Variants in CRB1 observed in about 807,000 individuals in gnomAD.
The protein encoded by CRB1 is crumbs cell polarity complex component 1, also known as protein crumbs homolog 1.
In CRB1, 83 loss-of-function variants were observed where a neutral mutation model predicts 120.0. That is an observed-to-expected ratio of 0.69 (90% CI 0.58 to 0.83). CRB1 has a LOEUF of 0.83. Among genes scored for constraint, CRB1 ranks in the 40% least tolerant of loss-of-function variants. The pLI is 0.00. For synonymous variants in CRB1, 625 were observed against 612.5 expected (o/e 1.02, Z -0.30); for missense variants, 1,699 against 1,687.6 (o/e 1.01, Z -0.12).
intron 5 of CRB1, among the ~76,000 whole-genome samples, chr1:197,402,875 G>C (rs1477155696): frequency 1.3e-5 from 2 of 152,078 alleles, no homozygotes; most frequent in Admixed American, 6.5e-5. Context: ...CCCCAATGTA[G>C]ATTTTAATAG....
chr1:197,322,215 T>C (rs1186347262), intron 1 of CRB1, among the ~76,000 whole-genome samples: 2 of 152,102 alleles, frequency 1.3e-5, no homozygotes, highest in Non-Finnish European at 2.9e-5. Flanking sequence ...GTACGGTGGC[T>C]CATGCCTGTA....
rs551007025 is a variant in CRB1 at position 197,414,882 on chromosome 1, G to A, written c.1172-6118G>A. On this transcript the variant is annotated intron_variant, in intron 5 of 11. Transcript: ENST00000367400. ...TTATTTTACATTGGACATGTCAATA[G>A]AATTGATTTTAAGTGAAGTAAAAGC... 3.2e-4 allele frequency among the ~76,000 whole-genome samples: 48 copies of A among 152,224 alleles called. No homozygotes were observed. The South Asian group carries it at 1.0e-2, about 32-fold the overall frequency.
chr1:197,342,879 T>C (rs574502230), intron 2 of CRB1, among the ~76,000 whole-genome samples: 1 of 152,172 alleles, frequency 6.6e-6, no homozygotes, highest in African/African-American at 2.4e-5. Flanking sequence ...GTCAAAAAAA[T>C]TTATGTTCTT....
At chr1:197,379,378 C>A (rs556739952) in intron 5 of CRB1, among the ~76,000 whole-genome samples, 6 of 151,972 alleles carry the variant, frequency 3.9e-5, no homozygotes, top group African/African-American at 1.2e-4. Context: ...CAGCTCACTG[C>A]AAGCTTTGCC....
intron 1 of CRB1, among the ~76,000 whole-genome samples, chr1:197,322,237 T>C (rs958045323): frequency 3.2e-4 from 48 of 152,014 alleles, no homozygotes; most frequent in South Asian, 4.1e-4. Flanking sequence ...TCCCAGCACA[T>C]TGGGGGGCCG....
intron 5 of CRB1, among the ~76,000 whole-genome samples, chr1:197,364,256 A>G (rs1377690722): frequency 2.0e-5 from 3 of 152,234 alleles, no homozygotes; most frequent in Non-Finnish European, 4.4e-5. Flanking sequence ...AAAGAAAAAG[A>G]AAAGTGGCGT....
intron 1 of CRB1, among the ~76,000 whole-genome samples, chr1:197,298,722 G>T (rs1183792962): frequency 6.6e-6 from 1 of 152,020 alleles, no homozygotes; most frequent in Non-Finnish European, 1.5e-5. Flanking sequence ...CTCAGAAACG[G>T]CCATATATAA....
At chr1:197,397,181 T>C (rs1662813670) in intron 5 of CRB1, among the ~76,000 whole-genome samples, 1 of 152,062 alleles carries the variant, frequency 6.6e-6, no homozygotes, top group African/African-American at 2.4e-5. Flanking sequence ...GAAAAGATAC[T>C]CAATATCAAT....
At chr1:197,366,814 T>C (rs1435604873) in intron 5 of CRB1, among the ~76,000 whole-genome samples, 4 of 152,176 alleles carry the variant, frequency 2.6e-5, no homozygotes, top group Non-Finnish European at 5.9e-5. Flanking sequence ...GGTAAGGTAA[T>C]TGAGAAAAAT....
chr1:197,327,132 A>AAAAAAC (rs1558055752), intron 1 of CRB1, among the ~76,000 whole-genome samples: 2 of 148,776 alleles, frequency 1.3e-5, no homozygotes, highest in Admixed American at 6.7e-5. Flanking sequence ...AAAAAAAAAA[A>AAAAAAC]CAGAAACCAA....
the CRB1 span, among the ~76,000 whole-genome samples, chr1:197,209,112 T>C: frequency 6.6e-6 from 1 of 152,138 alleles, no homozygotes; most frequent in Non-Finnish European, 1.5e-5. Flanking sequence ...CCAGATGGCA[T>C]GTGAGCAGGG....
intron 2 of CRB1, among the ~76,000 whole-genome samples, chr1:197,339,936 T>G (rs1659358440): frequency 6.6e-6 from 1 of 152,252 alleles, no homozygotes; most frequent in Non-Finnish European, 1.5e-5. Context: ...AGGTGGTTGA[T>G]TATTCCATAG....
intron 5 of CRB1, among the ~76,000 whole-genome samples, chr1:197,392,779 A>T (rs1662572917): frequency 2.6e-5 from 4 of 152,280 alleles, no homozygotes; most frequent in Admixed American, 2.6e-4. Context: ...AAAGTTCACC[A>T]GATCTTCAGT....
intron 5 of CRB1, among the ~76,000 whole-genome samples, chr1:197,401,679 G>A (rs1313206563): frequency 6.6e-6 from 1 of 152,012 alleles, no homozygotes; most frequent in Non-Finnish European, 1.5e-5. Context: ...ATTTGATAAT[G>A]TACTATTTTA....
At chr1:197,410,920 A>G (rs1663678124) in intron 5 of CRB1, among the ~76,000 whole-genome samples, 1 of 152,208 alleles carries the variant, frequency 6.6e-6, no homozygotes, top group Non-Finnish European at 1.5e-5. Context: ...ATGAGCATCA[A>G]CTGCTAGAAG....
At chr1:197,225,264 C>T in the CRB1 span, among the ~76,000 whole-genome samples, 2 of 151,968 alleles carry the variant, frequency 1.3e-5, no homozygotes, top group Non-Finnish European at 1.5e-5. Flanking sequence ...CAAATACCAA[C>T]GTGTTGATTT....
intron 11 of CRB1, among the ~76,000 whole-genome samples, chr1:197,464,724 A>C (rs1666679553): frequency 6.6e-6 from 1 of 152,112 alleles, no homozygotes; most frequent in African/African-American, 2.4e-5. Flanking sequence ...TATGATACCA[A>C]GTATGAGACA....
At chr1:197,320,900 C>G (rs767544647) in intron 1 of CRB1, among the ~76,000 whole-genome samples, 3 of 152,110 alleles carry the variant, frequency 2.0e-5, no homozygotes, top group Non-Finnish European at 4.4e-5. Flanking sequence ...GTAGAGCCAT[C>G]CTTATACTTT....
At chr1:197,315,611 A>G (rs767176716) in intron 1 of CRB1, among the ~76,000 whole-genome samples, 19 of 152,254 alleles carry the variant, frequency 1.2e-4, no homozygotes, top group Non-Finnish European at 2.4e-4. Flanking sequence ...CTTCATGAAT[A>G]TAAATATCCA....
Sources: allele counts gnomAD v4.1 joint callset (sites outside exome capture counted in the v4.1 genomes callset), GRCh38; gene constraint gnomAD v4.1.1; transcripts MANE v1.5; gene names NCBI Gene and HGNC (gene_info 2026-07-23, HGNC 2026-07-21).